TPST1: variants seen among roughly 807,000 people sequenced by gnomAD.
The protein encoded by TPST1 is protein-tyrosine sulfotransferase 1.
A neutral mutation model predicts 34.8 loss-of-function variants in TPST1; 20 were observed. The ratio of observed to expected loss-of-function variants is 0.57; its 90% CI spans 0.40 to 0.84. The LOEUF is 0.84. Among genes scored for constraint, TPST1 ranks in the 40% least tolerant of loss-of-function variants. The pLI, the probability that TPST1 is intolerant of heterozygous loss-of-function variation, is 0.00. For missense variants in TPST1, 353 were observed against 455.5 expected, an observed-to-expected ratio of 0.78 and a Z score of 2.05; for synonymous variants, 152 against 159.4, an observed-to-expected ratio of 0.95 and a Z score of 0.35.
At chr7:66,339,371 A>G (rs1792187716) in intron 3 of TPST1, among the ~76,000 whole-genome samples, 1 of 152,184 alleles carries the variant, frequency 6.6e-6, no homozygotes, top group African/African-American at 2.4e-5. Flanking sequence ...AAAGTCTCTC[A>G]ACCAAGAAAA....
Position 66,352,568 on chromosome 7 carries a change from CT to C in TPST1, c.1095+18del. On this transcript the variant is annotated intron_variant, in intron 4 of 5. Transcript: ENST00000304842. The stretch of plus-strand genomic sequence containing the variant: ...AGAAAAACCACAGGTACTGTGTCTG[CT>C]TTTTCCTCCTGATGTATACTAGATT... 1 of 1,612,700 alleles carries C rather than the reference CT, an allele frequency of 6.2e-7. No homozygotes were observed. Among genetic ancestry groups the C allele is most frequent in the Non-Finnish European group, 8.5e-7 (1 of 1,179,708 alleles).
rs183737714 is a variant in TPST1 at position 66,348,367 on chromosome 7, G to A, written c.1045-4138G>A. Among the ~76,000 whole-genome samples, 21 of 152,238 alleles carry A rather than the reference G, an allele frequency of 1.4e-4. No individual in the cohort carries two copies. The East Asian group carries it at 3.5e-3, about 25-fold the overall frequency. On this transcript the variant is annotated intron_variant, in intron 3 of 5. Transcript: ENST00000304842. Reference sequence around the variant, plus strand: ...AATTACTTAATTTCTCTGTGTCTCAGTTGCTTCATCTGTTAAAAGAGAATA... The same window carrying A: ...AATTACTTAATTTCTCTGTGTCTCAATTGCTTCATCTGTTAAAAGAGAATA...
chr7:66,318,351 T>A (rs1791676712), intron 3 of TPST1, among the ~76,000 whole-genome samples: 1 of 152,330 alleles, frequency 6.6e-6, no homozygotes, highest in South Asian at 2.1e-4. Flanking sequence ...TTACTTTATA[T>A]GGACAGTATT....
chr7:66,356,153 C>A (rs1792578928), intron 4 of TPST1, among the ~76,000 whole-genome samples: 1 of 152,086 alleles, frequency 6.6e-6, no homozygotes, highest in Non-Finnish European at 1.5e-5. Context: ...ACTCATAGAA[C>A]CTTCAGATTG....
chr7:66,249,951 A>AATTT (rs1790229322), intron 2 of TPST1, among the ~76,000 whole-genome samples: 1 of 152,204 alleles, frequency 6.6e-6, no homozygotes, highest in African/African-American at 2.4e-5. Context: ...CTTTCATGAG[A>AATTT]CACTTGGCAA....
chr7:66,324,800 C>CAAAAAAAAAAAAAAAAAAAA (rs56389964), intron 3 of TPST1, among the ~76,000 whole-genome samples: 1 of 109,248 alleles, frequency 9.2e-6, no homozygotes, highest in African/African-American at 3.4e-5. Context: ...GACTCTGTCT[C>CAAAAAAAAAAAAAAAAAAAA]AAAAAAAAAA....
At chr7:66,253,864 G>C (rs6964530) in intron 2 of TPST1, among the ~76,000 whole-genome samples, 134,828 of 151,494 alleles carry the variant, frequency 0.89, 60,161 homozygotes, top group African/African-American at 0.94. Flanking sequence ...ACGGTGAAAC[G>C]CCATCATTAC....
chr7:66,294,917 T>G (rs1209863266), intron 3 of TPST1, among the ~76,000 whole-genome samples: 3 of 152,182 alleles, frequency 2.0e-5, no homozygotes, highest in Non-Finnish European at 4.4e-5. Flanking sequence ...ATAATTTTTA[T>G]AGTTATAAAC....
intron 3 of TPST1, among the ~76,000 whole-genome samples, chr7:66,335,966 G>A (rs1329720793): frequency 1.3e-5 from 2 of 152,186 alleles, no homozygotes; most frequent in Admixed American, 6.5e-5. Context: ...CAGAAGAATT[G>A]AAGATCTATG....
intron 4 of TPST1, among the ~76,000 whole-genome samples, chr7:66,354,743 G>A (rs1329204255): frequency 6.6e-6 from 1 of 152,134 alleles, no homozygotes; most frequent in Non-Finnish European, 1.5e-5. Flanking sequence ...GCTCACGCTT[G>A]TAATCCCAGC....
At chr7:66,249,351 G>A (rs556120310) in intron 2 of TPST1, among the ~76,000 whole-genome samples, 44 of 152,134 alleles carry the variant, frequency 2.9e-4, no homozygotes, top group Non-Finnish European at 1.0e-4. Flanking sequence ...AGCACATCAA[G>A]GGAATTATGG....
chr7:66,231,711 C>T (rs972065174), intron 1 of TPST1, among the ~76,000 whole-genome samples: 6 of 152,246 alleles, frequency 3.9e-5, no homozygotes, highest in South Asian at 2.1e-4. Context: ...GGTTCCCGCT[C>T]GCGCCTCTCC....
chr7:66,204,006 G>A (rs62465525), upstream of TPST1, among the ~76,000 whole-genome samples: 5,502 of 151,764 alleles, frequency 0.036, 155 homozygotes, highest in East Asian at 0.077. Context: ...ATGAAACCCC[G>A]TCTCTACTAA....
intron 3 of TPST1, among the ~76,000 whole-genome samples, chr7:66,331,145 T>C (rs995695708): frequency 1.3e-5 from 2 of 152,194 alleles, no homozygotes; most frequent in African/African-American, 4.8e-5. Flanking sequence ...CACATGAGCC[T>C]CTGTCTACGG....
chr7:66,234,424 C>CACACACACACACACAG (rs1562806964), intron 1 of TPST1, among the ~76,000 whole-genome samples: 1 of 151,156 alleles, frequency 6.6e-6, no homozygotes, highest in African/African-American at 2.4e-5. Flanking sequence ...CACACACACA[C>CACACACACACACACAG]ACACACAGAC....
At chr7:66,221,751 T>C (rs1789548356) in intron 1 of TPST1, 2 of 152,196 alleles carry the variant, frequency 1.3e-5, no homozygotes, top group Admixed American at 1.3e-4. Context: ...GTTGACTTTT[T>C]AAAATCTGGG....
intron 3 of TPST1, among the ~76,000 whole-genome samples, chr7:66,292,521 G>A (rs1791102658): frequency 1.6e-5 from 1 of 61,070 alleles, no homozygotes; most frequent in Non-Finnish European, 3.2e-5. Context: ...TTCCGTGGGC[G>A]TAGGACCCTC....
At chr7:66,302,449 C>A (rs561579928) in intron 3 of TPST1, among the ~76,000 whole-genome samples, 1 of 152,270 alleles carries the variant, frequency 6.6e-6, no homozygotes, top group African/African-American at 2.4e-5. Context: ...CACTGTGCTC[C>A]CACCAGCACT....
intron 1 of TPST1, among the ~76,000 whole-genome samples, chr7:66,209,822 A>G (rs934357971): frequency 3.9e-5 from 6 of 152,124 alleles, no homozygotes; most frequent in African/African-American, 1.4e-4. Flanking sequence ...GTGACCAGGT[A>G]TATTTTGATT....
Sources: gnomAD v4.1 joint callset for allele counts (sites outside exome capture counted in the v4.1 genomes callset) on GRCh38, gnomAD v4.1.1 for gene constraint, MANE v1.5 for transcripts, NCBI Gene and HGNC (gene_info 2026-07-23, HGNC 2026-07-21) for gene names.